The following COQ8B variants were observed in gnomAD, a reference collection of about 807,000 sequenced individuals.
COQ8B encodes the protein coenzyme Q8B.
In COQ8B, 44 loss-of-function variants were observed where a neutral mutation model predicts 62.0. The ratio of observed to expected loss-of-function variants is 0.71; its 90% CI spans 0.56 to 0.91. COQ8B has a LOEUF of 0.91. Among genes scored for constraint, COQ8B ranks in the 40% least tolerant of loss-of-function variants. COQ8B has a pLI of 0.00. For synonymous variants in COQ8B, 252 were observed against 289.9 expected, an observed-to-expected ratio of 0.87 and a Z score of 1.33; for missense variants, 649 against 731.6, an observed-to-expected ratio of 0.89 and a Z score of 1.30.
intron 4 of COQ8B, among the ~76,000 whole-genome samples, chr19:40,710,584 T>C (rs1216993064): frequency 2.6e-5 from 4 of 152,118 alleles, no homozygotes; most frequent in Non-Finnish European, 5.9e-5. Context: ...TGTTTCCAAA[T>C]CAGTCTCTGA....
intron 14 of COQ8B, 123 bp downstream of exon 14, chr19:40,692,828 T>G (rs2081984203): frequency 1.3e-6 from 1 of 765,488 alleles, no homozygotes; most frequent in Non-Finnish European, 2.1e-6. Flanking sequence ...CCTCCTAGAG[T>G]CCCCCAGTCC....
chr19:40,715,232 G>T (rs998350139), intron 1 of COQ8B: 100 of 985,294 alleles, frequency 1.0e-4, no homozygotes, highest in Non-Finnish European at 1.2e-4. Flanking sequence ...TAGCGATGGA[G>T]CCTGGAATTA....
chr19:40,693,005 G>C lies in COQ8B; in HGVS notation c.1242C>G (p.Asp414Glu). 1.9e-6 allele frequency: 3 copies of C among 1,613,988 alleles called. No individual in the cohort carries two copies. Among genetic ancestry groups the C allele is most frequent in the Non-Finnish European group, 2.5e-6 (3 of 1,179,926 alleles). Residue 414 changes from aspartate (D) to glutamate (E), a missense_variant, in exon 14 of 15, where the codon GAC (aspartate) becomes GAG (glutamate). Physicochemically the swap from Asp to Glu is conservative, Grantham distance 45 (BLOSUM62 2). Coordinates refer to ENST00000324464, the MANE Select transcript of COQ8B (RefSeq NM_024876.4). The part of the protein sequence containing the change: ...VVKAAADGDR[D>E]CVLQKSRDLK... ...GGTCCCTGGACTTCTGCAGGACACA[G>C]TCTCTGTCTCCATCAGCTGCAGCCT...
chr19:40,693,528 C>T (rs1427845346), intron 13 of COQ8B, among the ~76,000 whole-genome samples: 6 of 152,110 alleles, frequency 3.9e-5, no homozygotes, highest in East Asian at 1.9e-4. Context: ...AGCAAATGAG[C>T]GTGTGGAGCA....
chr19:40,699,395 T>TC (rs1337952881), intron 12 of COQ8B, among the ~76,000 whole-genome samples: 1 of 143,978 alleles, frequency 6.9e-6, no homozygotes, highest in East Asian at 2.0e-4. Context: ...TGCCTGTGCC[T>TC]CCCCCATCCC....
intron 4 of COQ8B, among the ~76,000 whole-genome samples, chr19:40,713,319 C>A (rs1204893558): frequency 1.3e-5 from 2 of 152,136 alleles, no homozygotes; most frequent in South Asian, 2.1e-4. Context: ...ATCCCTTGAA[C>A]CCTGGGCAGC....
In COQ8B at chr19:40,692,148, A is replaced by G; in HGVS notation, c.1522T>C (p.Cys508Arg). 6.2e-7 allele frequency: 1 copy of G among 1,602,670 alleles called. No individual in the cohort carries two copies. Among genetic ancestry groups the G allele is most frequent in the Non-Finnish European group, 8.5e-7 (1 of 1,174,718 alleles). The part of the protein sequence containing the change: ...ACAHLRAHIA[C>R]RDLFQDTYHR... ...TAGGTGTCCTGGAAGAGGTCCCTGCAGGCGATGTGGGCTCGGAGGTGGGCA... is the reference window on the plus strand; with the variant it reads ...TAGGTGTCCTGGAAGAGGTCCCTGCGGGCGATGTGGGCTCGGAGGTGGGCA... Residue 508 changes from cysteine to arginine, a missense_variant, in exon 15 of 15, where the codon TGC becomes CGC. Physicochemically the swap from Cys to Arg is radical, Grantham distance 180 (BLOSUM62 -3). Coordinates refer to ENST00000324464, the MANE Select transcript of COQ8B (RefSeq NM_024876.4).
In COQ8B at chr19:40,714,648, A is replaced by C; in HGVS notation, c.-3-13T>G. On this transcript the variant is annotated splice_polypyrimidine_tract_variant and intron_variant, in intron 1 of 14. Transcript: ENST00000324464. ...TCAGCCACATTGCCTGGAGGAGAAG[A>C]GGAGGGATTATTCAGGTGGGAGTTG... The C allele has an allele frequency of 6.3e-7, 1 of 1,581,870 alleles. No individual in the cohort carries two copies. Among genetic ancestry groups the C allele is most frequent in the Non-Finnish European group, 8.6e-7 (1 of 1,165,906 alleles).
intron 1 of COQ8B, chr19:40,715,247 G>A (rs1016319245): frequency 2.0e-6 from 2 of 985,602 alleles, no homozygotes; most frequent in African/African-American, 3.5e-5. Context: ...GAATTAAGGT[G>A]GGCATCGGGG....
rs2082090856 is a variant in COQ8B at position 40,705,195 on chromosome 19, G to GA, written c.491-15_491-14insT. 2 of 1,612,390 alleles carry GA rather than the reference G, an allele frequency of 1.2e-6. No homozygotes were observed. Among genetic ancestry groups the GA allele is most frequent in the Non-Finnish European group, 1.7e-6 (2 of 1,179,148 alleles). ...TGAAGCTGTTGTCTTGGGAGACAGT[G>GA]GAACCAGGGGGGAAGTAAGCGAAGA... is the stretch of plus-strand genomic sequence containing the variant. On this transcript the variant is annotated splice_polypyrimidine_tract_variant and intron_variant, in intron 6 of 14. Transcript: ENST00000324464.
chr19:40,712,994 G>A lies in COQ8B; in HGVS notation c.289+1073C>T, dbSNP rs139011752. ...TTCGGGAGGCCGAGGCAGGAGGATC[G>A]CTTGAGACCAACTTGAGCAACATAG... On this transcript the variant is annotated intron_variant, in intron 4 of 14. Transcript: ENST00000324464. 6.7e-3 allele frequency among the ~76,000 whole-genome samples: 1,014 copies of A among 152,258 alleles called. 15 individuals carry two copies. The highest frequency in any genetic ancestry group is 0.023 in the African/African-American group (954 of 41,540).
intron 13 of COQ8B, among the ~76,000 whole-genome samples, chr19:40,693,876 T>C (rs929348658): frequency 6.6e-6 from 1 of 151,960 alleles, no homozygotes; most frequent in Non-Finnish European, 1.5e-5. Context: ...TGGAACCGGG[T>C]CACACCACTC....
At chr19:40,704,444 C>T (rs80108353) in intron 7 of COQ8B, 2,817 of 153,598 alleles carry the variant, frequency 0.018, 83 homozygotes, top group African/African-American at 0.063. Context: ...AGCCATTACA[C>T]GTGGCCAACC....
intron 10 of COQ8B, chr19:40,701,473 G>A (rs1005416883): frequency 6.6e-6 from 1 of 152,192 alleles, no homozygotes; most frequent in Admixed American, 6.5e-5. Context: ...GGGCACCCGG[G>A]AATCCTGTGG....
intron 1 of COQ8B, chr19:40,714,858 G>GC: frequency 7.6e-7 from 1 of 1,318,332 alleles, no homozygotes; most frequent in Non-Finnish European, 9.6e-7. Context: ...CCCAACCCTC[G>GC]CCGTTGCTAG....
At chr19:40,708,473 T>A (rs2082116988) in intron 5 of COQ8B, among the ~76,000 whole-genome samples, 1 of 152,190 alleles carries the variant, frequency 6.6e-6, no homozygotes. Flanking sequence ...GAAGTAAGAA[T>A]TATCAATCCT....
chr19:40,693,447 GAT>G (rs2081989339), intron 13 of COQ8B, among the ~76,000 whole-genome samples: 2 of 152,232 alleles, frequency 1.3e-5, no homozygotes, highest in Non-Finnish European at 2.9e-5. Flanking sequence ...TGAGAGCAAG[GAT>G]CCCAGTTGGG....
At position 40,703,732 on chromosome 19, in the gene COQ8B, C is replaced by T. The variant is rs777884435; in HGVS notation, c.700G>A (p.Val234Met). 1 of 1,614,126 alleles carries T rather than the reference C, an allele frequency of 6.2e-7. No homozygotes were observed. Among genetic ancestry groups the T allele is most frequent in the South Asian group, 1.1e-5 (1 of 91,082 alleles). The change falls in exon 8 of 15, where the codon GTG (valine) becomes ATG (methionine). Residue 234 changes from valine to methionine, a missense_variant. Physicochemically the swap from Val to Met is conservative, Grantham distance 21. Transcript: ENST00000324464. ...CCTCTCACCTGGATCTTCACGGCCACCTCCGTCCCGTCCCTCAGCAGGCCC... is the reference window on the plus strand; with the variant it reads ...CCTCTCACCTGGATCTTCACGGCCATCTCCGTCCCGTCCCTCAGCAGGCCC... The part of the protein sequence containing the change: ...HQGLLRDGTE[V>M]AVKIQYPGIA...
Position 40,691,860 on chromosome 19 carries a change from C to T in COQ8B, c.*175G>A, listed in dbSNP as rs2081974226. 7.6e-6 allele frequency: 4 copies of T among 528,672 alleles called. No homozygotes were observed. Among genetic ancestry groups the T allele is most frequent in the Non-Finnish European group, 9.3e-6 (3 of 323,710 alleles). 32.7% of individuals were successfully genotyped at this position (528,672 alleles called of 1,614,324 possible). ...GTGGGGAGGTGCAGGATCTAGGGCACGAAGTTGGGAGTTCCCCAGCCCCAG... is the reference window on the plus strand; with the variant it reads ...GTGGGGAGGTGCAGGATCTAGGGCATGAAGTTGGGAGTTCCCCAGCCCCAG... On this transcript the variant is annotated 3_prime_UTR_variant, in exon 15 of 15. Transcript: ENST00000324464.
Sources: allele counts gnomAD v4.1 joint callset (sites outside exome capture counted in the v4.1 genomes callset), GRCh38; gene constraint gnomAD v4.1.1; transcripts MANE v1.5; gene names NCBI Gene and HGNC (gene_info 2026-07-23, HGNC 2026-07-21).